The following DOCK8 variants were observed in gnomAD, a reference collection of about 807,000 sequenced individuals.
DOCK8 encodes the protein dedicator of cytokinesis 8.
In DOCK8, 141 loss-of-function variants were observed where a neutral mutation model predicts 245.6. The observed-to-expected ratio is 0.57, with a 90% CI of 0.50 to 0.66. The LOEUF is 0.66. DOCK8 is among the 30% of genes least tolerant of loss of function. The probability of loss-of-function intolerance (pLI) is 0.00; values close to 1 mark genes in which losing one functional copy is unlikely to be tolerated. For missense variants in DOCK8, 2,965 were observed against 2,603.4 expected, an observed-to-expected ratio of 1.14 and a Z score of -3.02; for synonymous variants, 1,168 against 970.2, an observed-to-expected ratio of 1.20 and a Z score of -3.79.
chr9:462,074 G>T, intron 46 of DOCK8, among the ~76,000 whole-genome samples: 1 of 146,418 alleles, frequency 6.8e-6, no homozygotes, highest in South Asian at 2.2e-4. Context: ...AATTCTTATT[G>T]GACTAATTCT....
At chr9:234,205 C>A (rs62531267) in intron 1 of DOCK8, among the ~76,000 whole-genome samples, 11,689 of 152,210 alleles carry the variant, frequency 0.077, 473 homozygotes, top group African/African-American at 0.12. Context: ...TCTTTCCTTT[C>A]AGAATGTTGA....
chr9:368,520 A>T, intron 15 of DOCK8: 1 of 535,984 alleles, frequency 1.9e-6, no homozygotes, highest in Admixed American at 3.2e-5. Context: ...TTATACACAC[A>T]CAGTGTTACA....
chr9:292,033 G>A (rs2049061142), intron 4 of DOCK8, among the ~76,000 whole-genome samples: 1 of 128,260 alleles, frequency 7.8e-6, no homozygotes. Context: ...TTGCACCACT[G>A]CACACCAGCC....
In DOCK8 at chr9:275,902, T is replaced by C. The variant is rs564872203; in HGVS notation, c.156+4173T>C. On this transcript the variant is annotated intron_variant, in intron 2 of 47. Coordinates refer to ENST00000432829, the MANE Select transcript of DOCK8 (RefSeq NM_203447.4). ...CTGGGCCCGGCCTAGTTTTACTTTT[T>C]TTTTTTGTAATGGAATTTCCCTCTG... 5.2e-5 allele frequency among the ~76,000 whole-genome samples: 7 copies of C among 134,996 alleles called. No individual in the cohort carries two copies. The South Asian group carries it at 1.7e-3, about 32-fold the overall frequency. The allele number at this position is 134,996 out of a possible 152,430, so 88.6% of individuals were successfully genotyped here. A position where few individuals can be genotyped will look rare whatever the true frequency, so the allele number is the denominator to read the frequency against.
chr9:455,305 G>A (rs1298744394), intron 46 of DOCK8, among the ~76,000 whole-genome samples: 1 of 151,770 alleles, frequency 6.6e-6, no homozygotes, highest in Non-Finnish European at 1.5e-5. Flanking sequence ...ACCAGCCTGG[G>A]CAACATGGCG....
rs2055003872 is a variant in DOCK8 at position 400,923 on chromosome 9, TCACCACAACATCCACCAC to T, written c.3234+1670_3234+1687del. Reference sequence around the variant, plus strand: ...CCCACTACCAACAGCTCCTTCACCATCACCACAACATCCACCACCACCATCACCACCACCACCACCACC... The same window carrying T: ...CCCACTACCAACAGCTCCTTCACCATCACCATCACCACCACCACCACCACC... On this transcript the variant is annotated intron_variant, in intron 26 of 47. Coordinates refer to ENST00000432829, the MANE Select transcript of DOCK8 (RefSeq NM_203447.4). Among the ~76,000 whole-genome samples the T allele has an allele frequency of 1.8e-4, 4 of 22,266 alleles. 1 individual carries two copies. The highest frequency in any genetic ancestry group is 0.043 in the Middle Eastern group (2 of 46). The allele number at this position is 22,266 out of a possible 152,430, so 14.6% of individuals were successfully genotyped here.
intron 1 of DOCK8, 122 bp downstream of exon 1, chr9:215,151 G>C: frequency 6.8e-7 from 1 of 1,472,042 alleles, no homozygotes; most frequent in Non-Finnish European, 8.9e-7. Context: ...GGGCGCGCCT[G>C]AGACCTGGGG....
chr9:280,243 A>G (rs1264715269), intron 2 of DOCK8, among the ~76,000 whole-genome samples: 2 of 152,190 alleles, frequency 1.3e-5, no homozygotes, highest in Non-Finnish European at 2.9e-5. Flanking sequence ...CAGAAGTCTG[A>G]AAAAAACAAC....
intron 31 of DOCK8, among the ~76,000 whole-genome samples, 157 bp from the exon 32 acceptor site, chr9:420,792 G>A (rs1278831668): frequency 6.6e-6 from 1 of 152,190 alleles, no homozygotes; most frequent in East Asian, 1.9e-4. Context: ...CATTTCTGTT[G>A]ACAGAGTTTT....
intron 39 of DOCK8, among the ~76,000 whole-genome samples, chr9:436,825 A>T (rs759170834): frequency 2.0e-4 from 31 of 152,234 alleles, no homozygotes; most frequent in Non-Finnish European, 4.1e-4. Flanking sequence ...AACCAGAGAG[A>T]CGTAATATAA....
intron 36 of DOCK8, among the ~76,000 whole-genome samples, chr9:430,852 T>G (rs540362749): frequency 6.6e-6 from 1 of 152,184 alleles, no homozygotes; most frequent in African/African-American, 2.4e-5. Flanking sequence ...TCATCTAACC[T>G]GAGTTTTATT....
intron 6 of DOCK8, among the ~76,000 whole-genome samples, chr9:314,683 C>T (rs766490649): frequency 2.0e-5 from 3 of 152,100 alleles, no homozygotes; most frequent in Admixed American, 1.3e-4. Flanking sequence ...AAGCTGTTGT[C>T]ACAGAAATTG....
At position 376,304 on chromosome 9, in the gene DOCK8, A is replaced by G. The variant is rs1310978062; in HGVS notation, c.2204A>G (p.Gln735Arg). ...CAAGCTGTTTCTTCTGTACACACCC[A>G]GGTAAGGAATGTCAAGGTTAATCAT... ...EVQAVSSVHT[Q>R]DNHLEKFFTL... The change falls in exon 19 of 48, where the codon CAG becomes CGG. Residue 735 changes from glutamine (Q) to arginine (R), a missense_variant and splice_region_variant. Gln to Arg is a conservative substitution (Grantham distance 43). Around this residue, in one of 3 missense-constraint regions of DOCK8, gnomAD observed 2,825 missense variants for 2,453.5 expected, o/e 1.15. Coordinates refer to ENST00000432829, the MANE Select transcript of DOCK8 (RefSeq NM_203447.4). 1.9e-6 allele frequency: 3 copies of G among 1,604,902 alleles called. No individual in the cohort carries two copies. The highest frequency in any genetic ancestry group is 1.1e-5 in the South Asian group (1 of 90,912).
At chr9:388,747 G>A (rs113024719) in intron 23 of DOCK8, among the ~76,000 whole-genome samples, 3,359 of 151,974 alleles carry the variant, frequency 0.022, 121 homozygotes, top group African/African-American at 0.075. Context: ...TATAGATGGG[G>A]TTTCACCATG....
In DOCK8 at chr9:328,039, C is replaced by T; in HGVS notation, c.912C>T (p.His304=). Residue 304 remains histidine, a synonymous_variant, in exon 9 of 48, where the codon CAC becomes CAT. Coordinates refer to ENST00000432829, the MANE Select transcript of DOCK8 (RefSeq NM_203447.4). ...KERKKISENF[H]CDLNSDQFKG... is the part of the protein sequence containing the mutation. The stretch of plus-strand genomic sequence containing the variant: ...ATTTACAGATCTCAGAAAATTTTCA[C>T]TGTGACCTGAACTCTGACCAGTTCA... The T allele has an allele frequency of 6.2e-7, 1 of 1,614,152 alleles. No individual in the cohort carries two copies. The highest frequency in any genetic ancestry group is 8.5e-7 in the Non-Finnish European group (1 of 1,179,976).
At chr9:223,967 C>A (rs767060762) in intron 1 of DOCK8, among the ~76,000 whole-genome samples, 1 of 152,072 alleles carries the variant, frequency 6.6e-6, no homozygotes, top group Non-Finnish European at 1.5e-5. Context: ...AGCACTCAAG[C>A]AAGCCTATTA....
chr9:448,086 C>G (rs1237740697), intron 44 of DOCK8, among the ~76,000 whole-genome samples: 1 of 151,770 alleles, frequency 6.6e-6, no homozygotes, highest in Non-Finnish European at 1.5e-5. Context: ...TTCTGTGTCT[C>G]TGTCTCTCTT....
intron 14 of DOCK8, among the ~76,000 whole-genome samples, chr9:354,550 A>G (rs1156369079): frequency 6.6e-6 from 1 of 152,230 alleles, no homozygotes; most frequent in African/African-American, 2.4e-5. Flanking sequence ...TAGGTTACGC[A>G]GGTGCAGCTG....
chr9:338,558 G>A (rs1563938058), intron 12 of DOCK8, among the ~76,000 whole-genome samples: 1 of 152,150 alleles, frequency 6.6e-6, no homozygotes, highest in Non-Finnish European at 1.5e-5. Flanking sequence ...GCATATGTGG[G>A]GGTGGACAGC....
Sources: allele counts gnomAD v4.1 joint callset (sites outside exome capture counted in the v4.1 genomes callset), GRCh38; gene constraint gnomAD v4.1.1; regional missense constraint gnomAD v4.1.1; transcripts MANE v1.5; gene names NCBI Gene and HGNC (gene_info 2026-07-23, HGNC 2026-07-21).